The following PRICKLE2 variants were observed in gnomAD, a reference collection of about 807,000 sequenced individuals.
PRICKLE2 encodes prickle planar cell polarity protein 2, also known as prickle-like protein 2.
A neutral mutation model predicts 81.4 loss-of-function variants in PRICKLE2; 21 were observed. The observed-to-expected ratio is 0.26, with a 90% CI of 0.18 to 0.37. The LOEUF (loss-of-function observed/expected upper bound fraction) is 0.37. PRICKLE2 is among the 10% of genes least tolerant of loss of function. The probability of loss-of-function intolerance (pLI) is 1.00; values close to 1 mark genes in which losing one functional copy is unlikely to be tolerated. For synonymous variants in PRICKLE2, 456 were observed against 421.5 expected (o/e 1.08, Z -1.00); for missense variants, 940 against 1,109.0 (o/e 0.85, Z 2.16).
At chr3:64,229,824 A>G (rs1428666582), upstream of PRICKLE2, among the ~76,000 whole-genome samples, 3 of 152,248 alleles carry the variant, frequency 2.0e-5, no homozygotes, top group Admixed American at 6.5e-5. Context: ...CTAATAAAGT[A>G]AATGTGGGAG....
chr3:64,133,522 G>A (rs9873216), intron 7 of PRICKLE2, among the ~76,000 whole-genome samples: 82,934 of 151,594 alleles, frequency 0.55, 24,871 homozygotes, highest in African/African-American at 0.81. Context: ...CACAGACTCA[G>A]AGAACAAATT....
chr3:64,104,082 C>T (rs1435522543), intron 7 of PRICKLE2, among the ~76,000 whole-genome samples: 1 of 152,220 alleles, frequency 6.6e-6, no homozygotes, highest in Non-Finnish European at 1.5e-5. Flanking sequence ...AGCTAAATAT[C>T]ATATACTCCA....
chr3:64,221,588 C>G (rs548048872), intron 1 of PRICKLE2, among the ~76,000 whole-genome samples: 2 of 152,154 alleles, frequency 1.3e-5, no homozygotes, highest in Non-Finnish European at 2.9e-5. Flanking sequence ...CATCCTCAAG[C>G]TTCTTAGTTT....
chr3:64,213,772 T>C (rs2078830162), intron 1 of PRICKLE2, among the ~76,000 whole-genome samples: 1 of 152,098 alleles, frequency 6.6e-6, no homozygotes, highest in South Asian at 2.1e-4. Context: ...TTATTAATCC[T>C]CAAACCACAC....
chr3:64,168,600 G>A (rs1224893395), intron 2 of PRICKLE2, among the ~76,000 whole-genome samples: 2 of 152,092 alleles, frequency 1.3e-5, no homozygotes, highest in East Asian at 3.9e-4. Flanking sequence ...ACACTCTGGA[G>A]GTGGGTATTT....
intron 2 of PRICKLE2, among the ~76,000 whole-genome samples, chr3:64,262,570 C>A (rs1002469743): frequency 1.3e-5 from 2 of 149,800 alleles, no homozygotes; most frequent in Non-Finnish European, 3.0e-5. Context: ...AACAAGGGAG[C>A]AATAAAGATG....
intron 2 of PRICKLE2, among the ~76,000 whole-genome samples, chr3:64,186,609 T>C (rs931565948): frequency 5.9e-5 from 9 of 152,214 alleles, no homozygotes; most frequent in African/African-American, 1.9e-4. Context: ...CAGTTTTTGA[T>C]TGGACCTGGA....
At chr3:64,217,230 G>T (rs1286313330) in intron 1 of PRICKLE2, among the ~76,000 whole-genome samples, 1 of 152,106 alleles carries the variant, frequency 6.6e-6, no homozygotes, top group African/African-American at 2.4e-5. Context: ...ACTGAAAAGG[G>T]ACAGGAGCCC....
intron 4 of PRICKLE2, among the ~76,000 whole-genome samples, chr3:64,158,339 T>C (rs1273824774): frequency 6.6e-6 from 1 of 152,224 alleles, no homozygotes; most frequent in Non-Finnish European, 1.5e-5. Flanking sequence ...TGGGAACTCA[T>C]CCACGTGTGT....
chr3:64,227,340 C>T (rs1194575589), upstream of PRICKLE2, among the ~76,000 whole-genome samples: 2 of 152,150 alleles, frequency 1.3e-5, no homozygotes, highest in African/African-American at 4.8e-5. Context: ...CCCCCAGTAG[C>T]CAAGTGGAAG....
chr3:64,106,853 A>G (rs2076763929), intron 7 of PRICKLE2, among the ~76,000 whole-genome samples: 2 of 152,226 alleles, frequency 1.3e-5, no homozygotes, highest in Non-Finnish European at 2.9e-5. Flanking sequence ...GCTGCAGCAC[A>G]TAGTCCAGGG....
chr3:64,151,189 T>A (rs1253751209), intron 6 of PRICKLE2, among the ~76,000 whole-genome samples: 1 of 152,230 alleles, frequency 6.6e-6, no homozygotes, highest in Non-Finnish European at 1.5e-5. Context: ...ACCCAGTGAC[T>A]GAGGTATGCA....
intron 2 of PRICKLE2, among the ~76,000 whole-genome samples, chr3:64,233,817 A>G (rs2079140965): frequency 6.6e-6 from 1 of 152,214 alleles, no homozygotes; most frequent in South Asian, 2.1e-4. Context: ...CCCTCTAGTA[A>G]GCAGTAGTCA....
Position 64,099,555 on chromosome 3 carries a change from G to A in PRICKLE2, c.2031C>T (p.Asp677=), listed in dbSNP as rs779135952. ...TGTGAGGTCGGAAACGGCGGTTGTC[G>A]TCGCGTGAAGTAGCTCTTCTCCGGG... is the stretch of plus-strand genomic sequence containing the variant. The part of the protein sequence containing the change: ...ERTRRRATSR[D]DNRRFRPHRS... The change falls in exon 8 of 8, where the codon GAC becomes GAT. Residue 677 remains aspartate (D), a synonymous_variant. Transcript: ENST00000638394. The surrounding 1 kb of genome is among the most constrained non-coding windows in gnomAD (Gnocchi z 4.3). 31 of 1,610,468 alleles carry A rather than the reference G, an allele frequency of 1.9e-5. No homozygotes were observed. The South Asian group carries it at 3.4e-4, about 18-fold the overall frequency.
At chr3:64,128,043 C>G (rs554428724) in intron 7 of PRICKLE2, among the ~76,000 whole-genome samples, 1 of 152,088 alleles carries the variant, frequency 6.6e-6, no homozygotes, top group Non-Finnish European at 1.5e-5. Flanking sequence ...AGTTCCACTT[C>G]TGTTCACTGC....
chr3:64,112,984 C>A (rs1559515156), intron 7 of PRICKLE2, among the ~76,000 whole-genome samples: 1 of 152,128 alleles, frequency 6.6e-6, no homozygotes. Flanking sequence ...AATCTGGGAA[C>A]CCTGCATGGG....
At chr3:64,228,005 C>T (rs775145771), upstream of PRICKLE2, among the ~76,000 whole-genome samples, 1 of 152,126 alleles carries the variant, frequency 6.6e-6, no homozygotes, top group Non-Finnish European at 1.5e-5. Context: ...AATACAAATG[C>T]TTTGAACTGC....
intron 2 of PRICKLE2, chr3:64,174,719 T>A (rs1197524046): frequency 4.9e-6 from 1 of 205,692 alleles, no homozygotes; most frequent in Non-Finnish European, 1.1e-5. Context: ...AACAATTTCT[T>A]GCTGTTAGTG....
Position 64,094,872 on chromosome 3 carries a change from C to G in PRICKLE2, c.*4179G>C, listed in dbSNP as rs2076548794. ...GCTTGGCTACTGAGTCTTGCATATG[C>G]AAATGCTGTCTGCAGAGCCCATTTT... On this transcript the variant is annotated 3_prime_UTR_variant, in exon 8 of 8. Coordinates refer to ENST00000638394, the MANE Select transcript of PRICKLE2 (RefSeq NM_198859.4). The G allele has an allele frequency of 6.6e-6, 1 of 152,622 alleles. No individual in the cohort carries two copies. Among genetic ancestry groups the G allele is most frequent in the East Asian group, 1.9e-4 (1 of 5,186 alleles). 9.5% of individuals were successfully genotyped at this position (152,622 alleles called of 1,614,324 possible).
Sources: gnomAD v4.1 joint callset for allele counts (sites outside exome capture counted in the v4.1 genomes callset) on GRCh38, gnomAD v4.1.1 for gene constraint, Gnocchi (gnomAD v3.1) non-coding constraint, MANE v1.5 for transcripts, NCBI Gene and HGNC (gene_info 2026-07-23, HGNC 2026-07-21) for gene names.